The following SLC35F1 variants were observed in gnomAD, a reference collection of about 807,000 sequenced individuals.
SLC35F1 encodes solute carrier family 35 member F1, also known as chromosome 6 open reading frame 169.
A neutral mutation model predicts 48.7 loss-of-function variants in SLC35F1; 14 were observed. That is an observed-to-expected ratio of 0.29 (90% CI 0.19 to 0.45). The LOEUF (loss-of-function observed/expected upper bound fraction) is 0.45. Among genes scored for constraint, SLC35F1 ranks in the 20% least tolerant of loss-of-function variants. The pLI, the probability that SLC35F1 is intolerant of heterozygous loss-of-function variation, is 1.00. For synonymous variants in SLC35F1, 190 were observed against 202.2 expected (o/e 0.94, Z 0.51); for missense variants, 404 against 500.0 (o/e 0.81, Z 1.83).
At chr6:118,004,283 C>G (rs1257524680) in intron 1 of SLC35F1, among the ~76,000 whole-genome samples, 1 of 152,110 alleles carries the variant, frequency 6.6e-6, no homozygotes, top group Non-Finnish European at 1.5e-5. Flanking sequence ...TGAGTAATCT[C>G]TAAATGTTCT....
At chr6:118,001,852 GCTCA>G (rs1211175418) in intron 1 of SLC35F1, among the ~76,000 whole-genome samples, 2 of 151,966 alleles carry the variant, frequency 1.3e-5, no homozygotes, top group African/African-American at 2.4e-5. Flanking sequence ...ATGAAAAAAT[GCTCA>G]CTATCACTGG....
chr6:118,267,641 C>G (rs762524048), intron 4 of SLC35F1, among the ~76,000 whole-genome samples: 1 of 152,074 alleles, frequency 6.6e-6, no homozygotes, highest in Non-Finnish European at 1.5e-5. Context: ...TATAGGCCCA[C>G]GAGTAAATAA....
chr6:118,146,112 T>C (rs1182901353), intron 1 of SLC35F1, among the ~76,000 whole-genome samples: 1 of 152,126 alleles, frequency 6.6e-6, no homozygotes, highest in East Asian at 1.9e-4. Context: ...GACAGGCCTG[T>C]ATTATGGAGC....
intron 4 of SLC35F1, among the ~76,000 whole-genome samples, chr6:118,272,303 A>C (rs922910749): frequency 1.3e-5 from 2 of 152,154 alleles, no homozygotes; most frequent in Non-Finnish European, 2.9e-5. Context: ...ACAGATACCA[A>C]TGCTGTGAAA....
chr6:118,007,892 T>A (rs568037474), intron 1 of SLC35F1, among the ~76,000 whole-genome samples: 1,971 of 152,208 alleles, frequency 0.013, 30 homozygotes, highest in African/African-American at 0.042. Flanking sequence ...GCTTCAGGTC[T>A]TCTTCTCAGC....
chr6:118,131,314 TA>T (rs966142607), intron 1 of SLC35F1, among the ~76,000 whole-genome samples: 3 of 152,208 alleles, frequency 2.0e-5, no homozygotes, highest in Admixed American at 6.5e-5. Flanking sequence ...AAACAATTTT[TA>T]TTAAAGAGTT....
At position 118,314,673 on chromosome 6, in the gene SLC35F1, A is replaced by G. The variant is rs1036566943; in HGVS notation, c.*421A>G. ...AAACCCCACTTTTCTATGGCAATTC[A>G]CTTTTTAAGAGTCATACTTTATTTT... On this transcript the variant is annotated 3_prime_UTR_variant, in exon 8 of 8. Transcript: ENST00000360388. The G allele has an allele frequency of 1.5e-5, 3 of 201,746 alleles. No individual in the cohort carries two copies. The highest frequency in any genetic ancestry group is 6.8e-5 in the African/African-American group (3 of 44,110). 12.5% of individuals were successfully genotyped at this position (201,746 alleles called of 1,614,324 possible).
chr6:118,135,920 A>G (rs1392882500), intron 1 of SLC35F1, among the ~76,000 whole-genome samples: 1 of 152,130 alleles, frequency 6.6e-6, no homozygotes, highest in African/African-American at 2.4e-5. Context: ...GCAGCCTGGT[A>G]TTCTCTTTTG....
intron 1 of SLC35F1, among the ~76,000 whole-genome samples, chr6:118,061,588 G>GTATATATATATA (rs1237884567): frequency 1.5e-4 from 21 of 144,728 alleles, no homozygotes; most frequent in African/African-American, 4.6e-4. Context: ...GTGTGTGTGT[G>GTATATATATATA]TGTATATATA....
At chr6:118,272,255 A>C (rs1775860836) in intron 4 of SLC35F1, among the ~76,000 whole-genome samples, 2 of 152,218 alleles carry the variant, frequency 1.3e-5, no homozygotes, top group African/African-American at 2.4e-5. Flanking sequence ...CAAGTTAACA[A>C]GTAACAGACA....
chr6:118,039,212 G>A (rs1230612588), intron 1 of SLC35F1, among the ~76,000 whole-genome samples: 1 of 152,042 alleles, frequency 6.6e-6, no homozygotes, highest in East Asian at 1.9e-4. Context: ...GGTTTCTGAT[G>A]AGAATTCTGT....
chr6:117,979,089 C>A (rs1776742144), intron 1 of SLC35F1, among the ~76,000 whole-genome samples: 1 of 152,200 alleles, frequency 6.6e-6, no homozygotes, highest in Admixed American at 6.5e-5. Flanking sequence ...TCAGCTTAGC[C>A]TGTACTACTG....
At chr6:118,241,771 A>C (rs1222626645) in intron 3 of SLC35F1, among the ~76,000 whole-genome samples, 1 of 152,188 alleles carries the variant, frequency 6.6e-6, no homozygotes, top group Non-Finnish European at 1.5e-5. Flanking sequence ...TCTGTTCTTC[A>C]TCTATACAAT....
intron 1 of SLC35F1, among the ~76,000 whole-genome samples, chr6:118,018,410 C>T (rs560718739): frequency 5.9e-5 from 9 of 151,934 alleles, no homozygotes; most frequent in African/African-American, 1.9e-4. Flanking sequence ...ATAATAATTC[C>T]TACCTTACAG....
chr6:118,061,631 A>G (rs1343027648), intron 1 of SLC35F1, among the ~76,000 whole-genome samples: 1 of 149,176 alleles, frequency 6.7e-6, no homozygotes, highest in Non-Finnish European at 1.5e-5. Context: ...ATATGTTTTT[A>G]TCTAGCTGTA....
chr6:118,314,021 T>C lies in SLC35F1; in HGVS notation c.1003-7T>C, dbSNP rs1366297452. 6 of 1,614,118 alleles carry C rather than the reference T, an allele frequency of 3.7e-6. No individual in the cohort carries two copies. In the South Asian group the frequency reaches 5.5e-5, roughly 15 times the overall value. ...TGTCAAATGACTTTACTGTTGTGTTTTTTTAGTTTTCAGGACTTTATCTCC... is the reference window on the plus strand; with the variant it reads ...TGTCAAATGACTTTACTGTTGTGTTCTTTTAGTTTTCAGGACTTTATCTCC... On this transcript the variant is annotated splice_polypyrimidine_tract_variant and splice_region_variant and intron_variant, in intron 7 of 7. Coordinates refer to ENST00000360388, the MANE Select transcript of SLC35F1 (RefSeq NM_001029858.4).
At chr6:118,037,086 G>C (rs907852138) in intron 1 of SLC35F1, among the ~76,000 whole-genome samples, 21 of 152,038 alleles carry the variant, frequency 1.4e-4, no homozygotes, top group Non-Finnish European at 1.5e-5. Context: ...ATGTTGTCTT[G>C]AAATATATTT....
intron 3 of SLC35F1, among the ~76,000 whole-genome samples, chr6:118,243,172 C>A (rs1223974947): frequency 6.6e-6 from 1 of 152,170 alleles, no homozygotes; most frequent in African/African-American, 2.4e-5. Flanking sequence ...ACTCTCAGGC[C>A]TTTCTGGGTT....
chr6:118,105,873 G>A (rs4565341), intron 1 of SLC35F1, among the ~76,000 whole-genome samples: 20,036 of 152,146 alleles, frequency 0.13, 1,334 homozygotes, highest in South Asian at 0.28. Flanking sequence ...CATCAAAGTA[G>A]ATAGTATGAT....
Sources: gnomAD v4.1 joint callset for allele counts (sites outside exome capture counted in the v4.1 genomes callset) on GRCh38, gnomAD v4.1.1 for gene constraint, MANE v1.5 for transcripts, NCBI Gene and HGNC (gene_info 2026-07-23, HGNC 2026-07-21) for gene names.